The following FAM135A variants were observed in gnomAD, a reference collection of about 807,000 sequenced individuals.
The protein encoded by FAM135A is family with sequence similarity 135 member A, also known as protein FAM135A.
In FAM135A, 79 loss-of-function variants were observed where a neutral mutation model predicts 146.8. That is an observed-to-expected ratio of 0.54 (90% CI 0.45 to 0.65). The LOEUF (loss-of-function observed/expected upper bound fraction) is 0.65. Among genes scored for constraint, FAM135A ranks in the 30% least tolerant of loss-of-function variants. The pLI, the probability that FAM135A is intolerant of heterozygous loss-of-function variation, is 0.00. For missense variants in FAM135A, 1,623 were observed against 1,758.2 expected (o/e 0.92, Z 1.38); for synonymous variants, 562 against 603.6 (o/e 0.93, Z 1.01).
chr6:70,509,174 T>A (rs1790451853), intron 12 of FAM135A, among the ~76,000 whole-genome samples: 1 of 152,146 alleles, frequency 6.6e-6, no homozygotes, highest in South Asian at 2.1e-4. Flanking sequence ...TGGCTCACAC[T>A]TGTAATCCCA....
chr6:70,414,045 G>T (rs1040226969), intron 1 of FAM135A: 7 of 985,432 alleles, frequency 7.1e-6, no homozygotes, highest in African/African-American at 7.0e-5. Context: ...CATCTTCGTC[G>T]CTCTGTCCCT....
intron 20 of FAM135A, among the ~76,000 whole-genome samples, chr6:70,539,939 T>G (rs1027072506): frequency 6.6e-6 from 1 of 152,108 alleles, no homozygotes; most frequent in Non-Finnish European, 1.5e-5. Context: ...GAGCTTGCAG[T>G]GAGCCGCGAT....
At chr6:70,436,832 A>C (rs893116635) in intron 4 of FAM135A, among the ~76,000 whole-genome samples, 2 of 152,234 alleles carry the variant, frequency 1.3e-5, no homozygotes, top group East Asian at 3.9e-4. Context: ...CTTTGAACAC[A>C]TATGTTTTTA....
At chr6:70,513,607 T>G (rs909503223) in intron 12 of FAM135A, among the ~76,000 whole-genome samples, 1 of 152,006 alleles carries the variant, frequency 6.6e-6, no homozygotes, top group African/African-American at 2.4e-5. Context: ...AAGCATTTTA[T>G]ATTATCTGAT....
chr6:70,498,844 TTTA>T (rs952360804), intron 11 of FAM135A, among the ~76,000 whole-genome samples: 3 of 152,234 alleles, frequency 2.0e-5, no homozygotes, highest in African/African-American at 7.2e-5. Flanking sequence ...TGAGAGACTG[TTTA>T]TTATGATTTC....
chr6:70,559,655 A>C (rs973025789), intron 21 of FAM135A, 61 bp from the exon 22 acceptor site: 2 of 1,361,402 alleles, frequency 1.5e-6, no homozygotes, highest in African/African-American at 3.0e-5. Context: ...AAATTGGCAT[A>C]GTTTTTTTAT....
chr6:70,549,055 A>G (rs9455156), intron 20 of FAM135A, among the ~76,000 whole-genome samples: 6,941 of 152,236 alleles, frequency 0.046, 512 homozygotes, highest in African/African-American at 0.15. Flanking sequence ...ACCTTCATAT[A>G]TTAGTGGTGG....
At chr6:70,516,409 G>T (rs1212594713) in intron 12 of FAM135A, among the ~76,000 whole-genome samples, 2 of 151,922 alleles carry the variant, frequency 1.3e-5, no homozygotes, top group Non-Finnish European at 1.5e-5. Context: ...CTGCCATATG[G>T]ATTAGCAGGA....
intron 12 of FAM135A, among the ~76,000 whole-genome samples, chr6:70,519,537 CA>C (rs1452925841): frequency 1.3e-5 from 2 of 152,198 alleles, no homozygotes; most frequent in African/African-American, 2.4e-5. Context: ...TCAATTGATG[CA>C]GCAAACTTCA....
chr6:70,480,770 G>A (rs990906741), intron 8 of FAM135A, 131 bp from the exon 9 acceptor site: 33 of 671,732 alleles, frequency 4.9e-5, no homozygotes, highest in Non-Finnish European at 6.4e-5. Flanking sequence ...AATTACTTTA[G>A]GAGTACTTTT....
intron 8 of FAM135A, among the ~76,000 whole-genome samples, chr6:70,478,545 G>T (rs1783060266): frequency 6.6e-6 from 1 of 152,072 alleles, no homozygotes; most frequent in Admixed American, 6.6e-5. Context: ...TTAACATATT[G>T]ACCACAGGTA....
intron 13 of FAM135A, 50 bp downstream of exon 13, chr6:70,522,636 AG>A: frequency 7.1e-7 from 1 of 1,408,314 alleles, no homozygotes; most frequent in Non-Finnish European, 1.0e-6. Flanking sequence ...CTTTTACATA[AG>A]ATACCTGTCT....
intron 20 of FAM135A, among the ~76,000 whole-genome samples, chr6:70,547,765 A>C (rs772855723): frequency 3.9e-5 from 6 of 152,222 alleles, no homozygotes; most frequent in African/African-American, 1.2e-4. Flanking sequence ...AGGTGTTCAT[A>C]TATCAATCAT....
In FAM135A at chr6:70,475,733, C is replaced by G. The variant is rs149122763; in HGVS notation, c.368C>G (p.Ser123Trp). 6.2e-7 allele frequency: 1 copy of G among 1,602,620 alleles called. No homozygotes were observed. The highest frequency in any genetic ancestry group is 8.5e-7 in the Non-Finnish European group (1 of 1,173,048). The change falls in exon 7 of 22, where the codon TCG becomes TGG. Residue 123 changes from serine to tryptophan, a missense_variant and splice_region_variant. Transcript: ENST00000418814. ...CTACACTTCACAGATGGAGATTATT[C>G]GTAAGTAGCTAATCAATTAAAAAAC... The part of the protein sequence containing the change: ...LDLHFTDGDY[S>W]ADDLNALQLI...
chr6:70,439,725 A>C (rs1774024311), intron 4 of FAM135A, among the ~76,000 whole-genome samples: 1 of 152,098 alleles, frequency 6.6e-6, no homozygotes, highest in Non-Finnish European at 1.5e-5. Flanking sequence ...TTTCAGGTTT[A>C]TTCTTCAAGA....
intron 5 of FAM135A, among the ~76,000 whole-genome samples, chr6:70,458,867 A>G (rs1013793654): frequency 2.6e-5 from 4 of 152,196 alleles, no homozygotes; most frequent in Admixed American, 6.6e-5. Flanking sequence ...TGCCTTCTAT[A>G]TCCTTCCCTC....
rs148770305 is a variant in FAM135A, at chr6:70,511,360, A to G, written c.1029+8569A>G. Among the ~76,000 whole-genome samples the G allele has an allele frequency of 8.5e-5, 13 of 152,078 alleles. No homozygotes were observed. The East Asian group carries it at 2.3e-3, about 27-fold the overall frequency. ...ATAAATATATTCAGCAGTTATCGTC[A>G]TGATAAAAAATTTTAAAGATATAAG... On this transcript the variant is annotated intron_variant, in intron 12 of 21. Transcript: ENST00000418814.
intron 4 of FAM135A, among the ~76,000 whole-genome samples, chr6:70,447,637 G>A (rs1425266956): frequency 6.6e-6 from 1 of 152,214 alleles, no homozygotes; most frequent in Non-Finnish European, 1.5e-5. Flanking sequence ...GAAATGCCCT[G>A]GTTTGGAATG....
At chr6:70,488,279 A>C (rs1401055989) in intron 10 of FAM135A, among the ~76,000 whole-genome samples, 1 of 152,164 alleles carries the variant, frequency 6.6e-6, no homozygotes, top group East Asian at 1.9e-4. Context: ...AAAATGCTTT[A>C]GTGCTAGGTA....
Sources: allele counts gnomAD v4.1 joint callset (sites outside exome capture counted in the v4.1 genomes callset), GRCh38; gene constraint gnomAD v4.1.1; transcripts MANE v1.5; gene names NCBI Gene and HGNC (gene_info 2026-07-23, HGNC 2026-07-21).